Variants in DPYSL3 observed in about 807,000 individuals in gnomAD.
The protein encoded by DPYSL3 is dihydropyrimidinase-related protein 3.
A neutral mutation model predicts 66.1 loss-of-function variants in DPYSL3; 16 were observed. That is an observed-to-expected ratio of 0.24 (90% CI 0.16 to 0.37). The LOEUF (loss-of-function observed/expected upper bound fraction) is 0.37. Ranked by LOEUF, DPYSL3 falls within the 10% of genes least tolerant of loss-of-function variation. The pLI is 1.00. For synonymous variants in DPYSL3, 338 were observed against 345.1 expected (o/e 0.98, Z 0.23); for missense variants, 738 against 916.2 (o/e 0.81, Z 2.51).
chr5:147,495,816 A>G (rs1267032005), intron 1 of DPYSL3, among the ~76,000 whole-genome samples: 1 of 152,236 alleles, frequency 6.6e-6, no homozygotes, highest in African/African-American at 2.4e-5. Flanking sequence ...GAAAATGGCC[A>G]TACTGCCCAA....
Position 147,399,213 on chromosome 5 carries a change from T to C in DPYSL3, c.1492A>G (p.Thr498Ala). ...AAGATCTTGGCAGCGTTTGTGCTTGTCACAGCCACGAACTGGTTTTCGTCC... is the reference window on the plus strand; with the variant it reads ...AAGATCTTGGCAGCGTTTGTGCTTGCCACAGCCACGAACTGGTTTTCGTCC... ...KMDENQFVAVTSTNAAKIFNL... is the reference protein window; with the variant it reads ...KMDENQFVAVASTNAAKIFNL... Residue 498 changes from threonine (T) to alanine (A), a missense_variant, in exon 11 of 14, where the codon ACA becomes GCA. Physicochemically the swap from Thr to Ala is moderately conservative, Grantham distance 58 (BLOSUM62 0). Coordinates refer to ENST00000343218, the MANE Select transcript of DPYSL3 (RefSeq NM_001197294.2). 1 of 1,614,212 alleles carries C rather than the reference T, an allele frequency of 6.2e-7. No individual in the cohort carries two copies. The highest frequency in any genetic ancestry group is 8.5e-7 in the Non-Finnish European group (1 of 1,180,028).
chr5:147,451,023 A>G (rs1752718549), intron 1 of DPYSL3, among the ~76,000 whole-genome samples: 1 of 152,238 alleles, frequency 6.6e-6, no homozygotes, highest in Admixed American at 6.5e-5. Context: ...ATTTACAACT[A>G]TATCTAGAAA....
intron 1 of DPYSL3, among the ~76,000 whole-genome samples, chr5:147,463,180 C>G (rs75736242): frequency 5.9e-4 from 90 of 152,154 alleles, no homozygotes; most frequent in African/African-American, 2.0e-3. Flanking sequence ...ACCTGTGGCC[C>G]TTATGACCAG....
chr5:147,491,706 C>G (rs1753417473), intron 1 of DPYSL3, among the ~76,000 whole-genome samples: 1 of 151,388 alleles, frequency 6.6e-6, no homozygotes, highest in Non-Finnish European at 1.5e-5. Flanking sequence ...AATGTCTGAG[C>G]TTGAGGATAC....
intron 6 of DPYSL3, among the ~76,000 whole-genome samples, chr5:147,412,347 T>C (rs1751871187): frequency 6.6e-6 from 1 of 152,220 alleles, no homozygotes. Flanking sequence ...GAAATCCTCC[T>C]CTTCCAGGAT....
Position 147,429,479 on chromosome 5 carries a change from C to CGT in DPYSL3, c.382-4518_382-4517dup, listed in dbSNP as rs201892384. Among the ~76,000 whole-genome samples, 128 of 151,854 alleles carry CGT rather than the reference C, an allele frequency of 8.4e-4. 5 individuals carry two copies. In the East Asian group the frequency reaches 0.023, roughly 27 times the overall value. On this transcript the variant is annotated intron_variant, in intron 1 of 13. Transcript: ENST00000343218. ...ACATCACAGGGTGGCTGCCAGTGTG[C>CGT]GTGTGTGTGTGCGTGTATAATCTAG... is the stretch of plus-strand genomic sequence containing the variant.
chr5:147,428,207 T>G (rs571392364), intron 1 of DPYSL3, among the ~76,000 whole-genome samples: 9 of 152,194 alleles, frequency 5.9e-5, no homozygotes, highest in Non-Finnish European at 1.0e-4. Context: ...ATAGGCCTGG[T>G]GTAGGTTTCA....
chr5:147,405,828 G>T (rs1212185758), intron 7 of DPYSL3, 98 bp from the exon 8 acceptor site: 82 of 1,470,014 alleles, frequency 5.6e-5, no homozygotes, highest in Non-Finnish European at 6.9e-5. Context: ...CTGCACAAAG[G>T]TTATGGATAA....
In DPYSL3 at chr5:147,417,615, G is replaced by A. The variant is rs1023335144; in HGVS notation, c.655+832C>T. Among the ~76,000 whole-genome samples the A allele has an allele frequency of 7.9e-5, 12 of 152,244 alleles. No individual in the cohort carries two copies. The South Asian group carries it at 1.2e-3, about 16-fold the overall frequency. On this transcript the variant is annotated intron_variant, in intron 3 of 13. Coordinates refer to ENST00000343218, the MANE Select transcript of DPYSL3 (RefSeq NM_001197294.2). ...GTGCTCTCTGCCTGACCAAGTTTGG[G>A]GCCAGCACTGGGATGGGGCCCAATT...
intron 1 of DPYSL3, among the ~76,000 whole-genome samples, chr5:147,494,880 A>T (rs1469373884): frequency 7.0e-6 from 1 of 142,442 alleles, no homozygotes; most frequent in Non-Finnish European, 1.5e-5. Flanking sequence ...CTCCATCTCA[A>T]AATAATAATA....
intron 2 of DPYSL3, among the ~76,000 whole-genome samples, chr5:147,422,820 C>T (rs894439247): frequency 2.6e-5 from 4 of 151,040 alleles, no homozygotes; most frequent in South Asian, 2.1e-4. Flanking sequence ...CATATGGGCA[C>T]GGGGAGGCGA....
chr5:147,430,397 C>T (rs1220496888), intron 1 of DPYSL3, among the ~76,000 whole-genome samples: 1 of 151,188 alleles, frequency 6.6e-6, no homozygotes, highest in Non-Finnish European at 1.5e-5. Context: ...GTAATCCCAG[C>T]TACTTGGGAG....
intron 1 of DPYSL3, among the ~76,000 whole-genome samples, chr5:147,500,506 CG>C (rs1753586685): frequency 6.6e-6 from 1 of 150,444 alleles, no homozygotes; most frequent in East Asian, 2.0e-4. Flanking sequence ...CCCAGCTACC[CG>C]GGAGGCTGAG....
chr5:147,440,068 C>T lies in DPYSL3; in HGVS notation c.382-15105G>A, dbSNP rs549196357. ...CTGTAATCCCAGCACTTTGGGAGGCCGAGGCAGGCAGATCACGAGGTCAGG... is the reference window on the plus strand; with the variant it reads ...CTGTAATCCCAGCACTTTGGGAGGCTGAGGCAGGCAGATCACGAGGTCAGG... On this transcript the variant is annotated intron_variant, in intron 1 of 13. Transcript: ENST00000343218. Among the ~76,000 whole-genome samples the T allele has an allele frequency of 2.3e-3, 349 of 152,120 alleles. 1 individual carries two copies. The highest frequency in any genetic ancestry group is 8.3e-3 in the African/African-American group (344 of 41,510).
chr5:147,401,801 A>G, intron 8 of DPYSL3, 105 bp from the exon 9 acceptor site: 4 of 1,381,702 alleles, frequency 2.9e-6, no homozygotes, highest in Admixed American at 2.7e-5. Flanking sequence ...TGTGTCTCAG[A>G]GTCAGACTGA....
rs767038754 is a variant in DPYSL3 at position 147,393,794 on chromosome 5, C to T, written c.*241G>A. On this transcript the variant is annotated 3_prime_UTR_variant, in exon 14 of 14. Transcript: ENST00000343218. ...TTTACCTTAGTGGCCTGTCTGATTG[C>T]ATGCATGTAAATGGGGGGAGGGGAG... The T allele has an allele frequency of 1.9e-6, 1 of 530,878 alleles. No individual in the cohort carries two copies. The highest frequency in any genetic ancestry group is 3.4e-6 in the Non-Finnish European group (1 of 294,782). The allele number at this position is 530,878 out of a possible 1,614,324, so 32.9% of individuals were successfully genotyped here.
At chr5:147,399,972 G>A (rs779681993) in intron 10 of DPYSL3, among the ~76,000 whole-genome samples, 2 of 152,080 alleles carry the variant, frequency 1.3e-5, no homozygotes, top group Non-Finnish European at 2.9e-5. Context: ...GAGCTTCCTG[G>A]GAGCAAAGAA....
rs1753734935 is a variant in DPYSL3, at chr5:147,509,860, G to C, written c.-2C>G. Reference sequence around the variant, plus strand: ...CCAGCCCCTCCGGCCCGAGGCCATGGTTCAAGCACGAAAGCGGCCCGCGGG... The same window carrying C: ...CCAGCCCCTCCGGCCCGAGGCCATGCTTCAAGCACGAAAGCGGCCCGCGGG... On this transcript the variant is annotated 5_prime_UTR_variant, in exon 1 of 14. Transcript: ENST00000343218. The surrounding 1 kb of genome is among the most constrained non-coding windows in gnomAD (Gnocchi z 5.3). The C allele has an allele frequency of 2.0e-6, 3 of 1,509,728 alleles. No homozygotes were observed. The highest frequency in any genetic ancestry group is 2.7e-6 in the Non-Finnish European group (3 of 1,130,102). The allele number at this position is 1,509,728 out of a possible 1,614,324, so 93.5% of individuals were successfully genotyped here.
chr5:147,406,823 T>A (rs1758334626), intron 7 of DPYSL3, among the ~76,000 whole-genome samples: 1 of 152,110 alleles, frequency 6.6e-6, no homozygotes, highest in African/African-American at 2.4e-5. Flanking sequence ...ATACCAAAAA[T>A]AGCTTGCAGA....
Sources: gnomAD v4.1 joint callset for allele counts (sites outside exome capture counted in the v4.1 genomes callset) on GRCh38, gnomAD v4.1.1 for gene constraint, Gnocchi (gnomAD v3.1) non-coding constraint, MANE v1.5 for transcripts, NCBI Gene and HGNC (gene_info 2026-07-23, HGNC 2026-07-21) for gene names.